MPDZ: variants seen among roughly 807,000 people sequenced by gnomAD.
MPDZ encodes the protein multiple PDZ domain protein.
In MPDZ, 234 loss-of-function variants were observed where a neutral mutation model predicts 239.1. The ratio of observed to expected loss-of-function variants is 0.98; its 90% confidence interval spans 0.88 to 1.09. The LOEUF is 1.09. Ranked by LOEUF, MPDZ falls within the 50% of genes least tolerant of loss-of-function variation. The pLI, the probability that MPDZ is intolerant of heterozygous loss-of-function variation, is 0.00. For missense variants in MPDZ, 3,175 were observed against 2,510.0 expected, an observed-to-expected ratio of 1.26 and a Z score of -5.66; for synonymous variants, 1,048 against 881.3, an observed-to-expected ratio of 1.19 and a Z score of -3.35.
At chr9:13,192,022 G>A (rs1954995088) in intron 15 of MPDZ, 109 bp downstream of exon 15, 1 of 975,348 alleles carries the variant, frequency 1.0e-6, no homozygotes, top group Non-Finnish European at 1.4e-6. Context: ...CCAAGCCATG[G>A]GCGATGTGAG....
intron 1 of MPDZ, among the ~76,000 whole-genome samples, chr9:13,258,980 G>T (rs995302099): frequency 6.6e-6 from 1 of 152,066 alleles, no homozygotes; most frequent in African/African-American, 2.4e-5. Flanking sequence ...AGCTACTGGG[G>T]AGACCGAGGC....
intron 1 of MPDZ, among the ~76,000 whole-genome samples, chr9:13,254,379 A>C (rs986481): frequency 0.98 from 149,656 of 152,274 alleles, 73,593 homozygotes; most frequent in East Asian, 1. Context: ...CTCTTTAAAT[A>C]GTTATTCAAA....
At position 13,114,030 on chromosome 9, in the gene MPDZ, A is replaced by G; in HGVS notation, c.5467-9T>C. 2 of 1,576,828 alleles carry G rather than the reference A, an allele frequency of 1.3e-6. No individual in the cohort carries two copies. The highest frequency in any genetic ancestry group is 1.7e-6 in the Non-Finnish European group (2 of 1,158,752). ...AGGCTGCCTTCACTCACCTACAAAT[A>G]TACAACAATTATTTCAGAAGGTTTT... On this transcript the variant is annotated splice_polypyrimidine_tract_variant and intron_variant, in intron 40 of 46. Transcript: ENST00000319217.
chr9:13,221,347 T>A, intron 7 of MPDZ, 25 bp downstream of exon 7: 2 of 1,576,482 alleles, frequency 1.3e-6, no homozygotes, highest in Non-Finnish European at 1.7e-6. Context: ...TAAAATAGCA[T>A]AAAAGATCTA....
chr9:13,149,831 TGCACACAG>T (rs995691783), intron 25 of MPDZ, among the ~76,000 whole-genome samples: 1 of 151,978 alleles, frequency 6.6e-6, no homozygotes, highest in Non-Finnish European at 1.5e-5. Flanking sequence ...TGCACACACA[TGCACACAG>T]GCACACATAC....
intron 19 of MPDZ, among the ~76,000 whole-genome samples, chr9:13,182,027 C>G (rs113734953): frequency 1.3e-5 from 2 of 152,170 alleles, no homozygotes; most frequent in African/African-American, 4.8e-5. Context: ...TGCCCAGCAT[C>G]ATTTGCAAGG....
At chr9:13,181,662 A>C (rs954841623) in intron 19 of MPDZ, among the ~76,000 whole-genome samples, 3 of 152,188 alleles carry the variant, frequency 2.0e-5, no homozygotes, top group Admixed American at 2.0e-4. Flanking sequence ...AAAATAAATA[A>C]ATACAAAAGG....
intron 12 of MPDZ, among the ~76,000 whole-genome samples, chr9:13,199,049 T>C (rs1201383608): frequency 6.6e-6 from 1 of 152,042 alleles, no homozygotes; most frequent in Non-Finnish European, 1.5e-5. Flanking sequence ...CTGTGAAGAA[T>C]GCCATTGGTA....
chr9:13,204,236 C>G (rs1285071234), intron 12 of MPDZ, among the ~76,000 whole-genome samples: 2 of 152,036 alleles, frequency 1.3e-5, no homozygotes, highest in Non-Finnish European at 2.9e-5. Flanking sequence ...GTAAAGGAAG[C>G]ACACAGCACA....
At chr9:13,114,079 C>T (rs1942963419) in intron 40 of MPDZ, 58 bp from the exon 41 acceptor site, 2 of 1,277,586 alleles carry the variant, frequency 1.6e-6, no homozygotes, top group Non-Finnish European at 2.2e-6. Flanking sequence ...TCCCTAAATA[C>T]CACTTATTTC....
At chr9:13,112,711 AAGTATC>A (rs1586872578) in intron 42 of MPDZ, among the ~76,000 whole-genome samples, 2 of 152,208 alleles carry the variant, frequency 1.3e-5, no homozygotes, top group African/African-American at 4.8e-5. Context: ...CAGAACTAAT[AAGTATC>A]TGTTGAAGAG....
intron 28 of MPDZ, among the ~76,000 whole-genome samples, chr9:13,139,450 T>C (rs1347375998): frequency 3.3e-5 from 5 of 152,182 alleles, no homozygotes; most frequent in Admixed American, 3.3e-4. Flanking sequence ...CACTATCTAA[T>C]TGAATGTTAG....
intron 24 of MPDZ, among the ~76,000 whole-genome samples, chr9:13,155,081 G>A (rs1230289017): frequency 6.7e-6 from 1 of 149,986 alleles, no homozygotes; most frequent in African/African-American, 2.5e-5. Context: ...GCTGGGCATG[G>A]TGGTGCGCAC....
intron 26 of MPDZ, among the ~76,000 whole-genome samples, chr9:13,146,232 A>G (rs1948417191): frequency 6.6e-6 from 1 of 152,032 alleles, no homozygotes; most frequent in African/African-American, 2.4e-5. Flanking sequence ...CAGTAAACCC[A>G]GACCACAGTT....
At chr9:13,250,669 C>A (rs1967710764) in intron 1 of MPDZ, among the ~76,000 whole-genome samples, 1 of 152,116 alleles carries the variant, frequency 6.6e-6, no homozygotes, top group African/African-American at 2.4e-5. Context: ...TCAGTACAGA[C>A]CACTATAATC....
At chr9:13,219,443 C>CAAATGTAGG in intron 8 of MPDZ, 116 bp downstream of exon 8, 1 of 859,466 alleles carries the variant, frequency 1.2e-6, no homozygotes, top group Non-Finnish European at 1.8e-6. Flanking sequence ...GAATTTCATT[C>CAAATGTAGG]CATTCTTTAG....
intron 23 of MPDZ, among the ~76,000 whole-genome samples, chr9:13,159,246 A>G (rs1487831243): frequency 6.6e-6 from 1 of 152,110 alleles, no homozygotes; most frequent in African/African-American, 2.4e-5. Flanking sequence ...TTGGACCTGA[A>G]TGTTAAGTTT....
intron 1 of MPDZ, among the ~76,000 whole-genome samples, chr9:13,267,601 C>T (rs893428484): frequency 1.4e-4 from 21 of 152,076 alleles, no homozygotes; most frequent in Non-Finnish European, 1.9e-4. Flanking sequence ...TTGCAAACTA[C>T]AAAATTCAGC....
At chr9:13,129,484 TA>T (rs1563860746) in intron 32 of MPDZ, among the ~76,000 whole-genome samples, 1 of 150,310 alleles carries the variant, frequency 6.7e-6, no homozygotes, top group Non-Finnish European at 1.5e-5. Context: ...AATAAATAAA[TA>T]AATAAATAAA....
Sources: allele counts gnomAD v4.1 joint callset (sites outside exome capture counted in the v4.1 genomes callset), GRCh38; gene constraint gnomAD v4.1.1; transcripts MANE v1.5; gene names NCBI Gene and HGNC (gene_info 2026-07-23, HGNC 2026-07-21).